The following SEL1L variants were observed in gnomAD, a reference collection of about 807,000 sequenced individuals.
SEL1L encodes SEL1L adaptor subunit of SYVN1 ubiquitin ligase, also known as protein sel-1 homolog 1.
A neutral mutation model predicts 109.8 loss-of-function variants in SEL1L; 52 were observed. The observed-to-expected ratio is 0.47, with a 90% CI of 0.38 to 0.60. The LOEUF is 0.60. SEL1L is among the 20% of genes least tolerant of loss of function. SEL1L has a pLI of 0.00. For missense variants in SEL1L, 749 were observed against 962.2 expected, an observed-to-expected ratio of 0.78 and a Z score of 2.93; for synonymous variants, 373 against 339.6, an observed-to-expected ratio of 1.10 and a Z score of -1.08.
chr14:81,492,316 G>A (rs536051594), intron 12 of SEL1L, among the ~76,000 whole-genome samples, 164 bp downstream of exon 12: 29 of 152,252 alleles, frequency 1.9e-4, no homozygotes, highest in African/African-American at 6.7e-4. Flanking sequence ...TATTTAAGTT[G>A]CCTAAGAAAA....
intron 3 of SEL1L, among the ~76,000 whole-genome samples, chr14:81,511,364 C>T (rs1284253980): frequency 6.6e-6 from 1 of 152,174 alleles, no homozygotes; most frequent in Non-Finnish European, 1.5e-5. Flanking sequence ...TGGCAAACTT[C>T]ATATTAATCA....
At chr14:81,524,316 G>C (rs963699807) in intron 3 of SEL1L, among the ~76,000 whole-genome samples, 2 of 152,114 alleles carry the variant, frequency 1.3e-5, no homozygotes, top group African/African-American at 4.8e-5. Context: ...AGTAAAAGTG[G>C]AAAAATCAGA....
chr14:81,526,627 G>T (rs777701074), intron 3 of SEL1L, 106 bp downstream of exon 3: 1 of 807,838 alleles, frequency 1.2e-6, no homozygotes, highest in Non-Finnish European at 2.1e-6. Context: ...ATTATTTGTG[G>T]GTAATAATCA....
intron 10 of SEL1L, 152 bp downstream of exon 10, chr14:81,497,740 T>C: frequency 1.5e-6 from 1 of 681,264 alleles, no homozygotes; most frequent in Non-Finnish European, 2.3e-6. Flanking sequence ...TTGGTTTTTT[T>C]TTTTAAGGGG....
intron 11 of SEL1L, 140 bp from the exon 12 acceptor site, chr14:81,492,688 A>G: frequency 1.7e-6 from 1 of 580,100 alleles, no homozygotes; most frequent in Non-Finnish European, 3.1e-6. Context: ...CCAGTTGCCA[A>G]TATTTTGAAA....
chr14:81,506,137 C>T lies in SEL1L; in HGVS notation c.445G>A (p.Gly149Ser). 1.2e-6 allele frequency: 2 copies of T among 1,614,058 alleles called. No homozygotes were observed. Among genetic ancestry groups the T allele is most frequent in the Non-Finnish European group, 1.7e-6 (2 of 1,179,934 alleles). The change falls in exon 4 of 21, where the codon GGC becomes AGC. Residue 149 changes from glycine (G) to serine (S), a missense_variant. By Grantham distance (56) the Gly-to-Ser change is moderately conservative (BLOSUM62 0). Around this residue, in one of 2 missense-constraint regions of SEL1L, gnomAD observed 366 missense variants for 399.8 expected, o/e 0.92. Coordinates refer to ENST00000336735, the MANE Select transcript of SEL1L (RefSeq NM_005065.6). ...TAGGTTGTAGCACACCACAGTCTGC[C>T]ATCTTCCCTCCCATCTGATGTACAT... ...DECTSDGRED[G>S]RLWCATTYDY...
At chr14:81,494,330 T>A (rs933743010) in intron 11 of SEL1L, among the ~76,000 whole-genome samples, 12 of 152,196 alleles carry the variant, frequency 7.9e-5, no homozygotes, top group African/African-American at 2.9e-4. Flanking sequence ...GTAGTTCTAG[T>A]CCAAGCCACA....
intron 14 of SEL1L, chr14:81,488,866 G>A (rs1883433104): frequency 1.6e-5 from 4 of 252,520 alleles, no homozygotes; most frequent in Middle Eastern, 1.3e-3. Flanking sequence ...GCTAGAAGGG[G>A]TAAAGGGCAG....
chr14:81,532,926 C>T (rs1033567880), intron 1 of SEL1L, among the ~76,000 whole-genome samples: 1 of 151,850 alleles, frequency 6.6e-6, no homozygotes, highest in African/African-American at 2.4e-5. Flanking sequence ...CAAATGTAGG[C>T]AGATTAAAAC....
chr14:81,490,499 T>C, intron 12 of SEL1L, 34 bp from the exon 13 acceptor site: 1 of 1,474,492 alleles, frequency 6.8e-7, no homozygotes, highest in Non-Finnish European at 9.5e-7. Flanking sequence ...GTAAGAGCTG[T>C]AACCCTCTCT....
At chr14:81,513,404 C>T (rs905700229) in intron 3 of SEL1L, among the ~76,000 whole-genome samples, 1 of 152,138 alleles carries the variant, frequency 6.6e-6, no homozygotes, top group East Asian at 1.9e-4. Flanking sequence ...AGGTCTGCGG[C>T]TTCACTCCTG....
chr14:81,489,033 T>C (rs759827233), intron 14 of SEL1L: 5 of 560,484 alleles, frequency 8.9e-6, no homozygotes, highest in Non-Finnish European at 1.6e-5. Flanking sequence ...TCCATACCTC[T>C]GGGAGAAAGT....
At position 81,489,296 on chromosome 14, in the gene SEL1L, T is replaced by G; in HGVS notation, c.1351A>C (p.Ser451Arg). The G allele has an allele frequency of 1.2e-6, 2 of 1,614,124 alleles. No homozygotes were observed. Among genetic ancestry groups the G allele is most frequent in the Non-Finnish European group, 1.7e-6 (2 of 1,179,984 alleles). Residue 451 changes from serine (S) to arginine (R), a missense_variant, in exon 14 of 21, where the codon AGT becomes CGT. Around this residue, in one of 2 missense-constraint regions of SEL1L, gnomAD observed 383 missense variants for 562.5 expected, o/e 0.68. Transcript: ENST00000336735. ...AADMGNPVGQ[S>R]GLGMAYLYGR... ...TAGAGGTAGGCCATTCCAAGCCCAC[T>G]CTGTCCAACTGGGTTGCCCTGCAAA...
At chr14:81,497,836 A>C (rs1595514600) in intron 10 of SEL1L, 56 bp downstream of exon 10, 6 of 1,524,072 alleles carry the variant, frequency 3.9e-6, no homozygotes, top group South Asian at 2.5e-5. Context: ...CCCGTCCCCC[A>C]CAGATTAAAA....
At chr14:81,487,825 G>A (rs1156381841) in intron 15 of SEL1L, 30 bp downstream of exon 15, 2 of 1,610,508 alleles carry the variant, frequency 1.2e-6, no homozygotes, top group African/African-American at 1.3e-5. Context: ...AGATCTTGGT[G>A]TATCCATCAT....
intron 3 of SEL1L, among the ~76,000 whole-genome samples, chr14:81,510,011 T>A (rs1292212548): frequency 6.6e-6 from 1 of 152,100 alleles, no homozygotes; most frequent in East Asian, 1.9e-4. Flanking sequence ...GAATTAAAGG[T>A]CCCTAGAGAG....
At chr14:81,505,595 A>C (rs1224789716) in intron 4 of SEL1L, among the ~76,000 whole-genome samples, 1 of 152,208 alleles carries the variant, frequency 6.6e-6, no homozygotes, top group Non-Finnish European at 1.5e-5. Context: ...TTTCCTGAAA[A>C]TAGCTTTCCT....
At chr14:81,496,557 GGT>G (rs1191758606) in intron 10 of SEL1L, among the ~76,000 whole-genome samples, 2 of 152,016 alleles carry the variant, frequency 1.3e-5, no homozygotes, top group African/African-American at 4.8e-5. Context: ...TGGCCAACAT[GGT>G]GAAACTCCAT....
chr14:81,496,329 A>G (rs1235547124), intron 10 of SEL1L, among the ~76,000 whole-genome samples: 1 of 149,822 alleles, frequency 6.7e-6, no homozygotes, highest in Non-Finnish European at 1.5e-5. Context: ...CTCAAAAAAC[A>G]AAAACAAAAA....
Sources: allele counts gnomAD v4.1 joint callset (sites outside exome capture counted in the v4.1 genomes callset), GRCh38; gene constraint gnomAD v4.1.1; regional missense constraint gnomAD v4.1.1; transcripts MANE v1.5; gene names NCBI Gene and HGNC (gene_info 2026-07-23, HGNC 2026-07-21).